Variants in CALN1 observed in about 807,000 individuals in gnomAD.
CALN1 encodes calneuron 1, also known as calcium-binding protein 8.
A neutral mutation model predicts 30.6 loss-of-function variants in CALN1; 17 were observed. The ratio of observed to expected loss-of-function variants is 0.56; its 90% CI spans 0.38 to 0.83. The LOEUF is 0.83. CALN1 is among the 40% of genes least tolerant of loss of function. The pLI is 0.00. For synonymous variants in CALN1, 156 were observed against 131.4 expected (o/e 1.19, Z -1.28); for missense variants, 291 against 354.9 (o/e 0.82, Z 1.45).
At chr7:72,199,557 A>T (rs1791276057) in intron 3 of CALN1, among the ~76,000 whole-genome samples, 1 of 152,186 alleles carries the variant, frequency 6.6e-6, no homozygotes, top group Non-Finnish European at 1.5e-5. Flanking sequence ...ACATCTCTAC[A>T]AACAATTAAA....
At chr7:72,237,736 G>C (rs780464827) in intron 3 of CALN1, among the ~76,000 whole-genome samples, 4 of 152,198 alleles carry the variant, frequency 2.6e-5, no homozygotes, top group Non-Finnish European at 4.4e-5. Flanking sequence ...AAGCAAGACA[G>C]AGAGAAACCC....
chr7:72,313,393 GA>G (rs554808907), intron 2 of CALN1, among the ~76,000 whole-genome samples: 8 of 150,326 alleles, frequency 5.3e-5, no homozygotes, highest in East Asian at 1.9e-4. Context: ...GTTGTATTAA[GA>G]AAAAAAAAAT....
At chr7:71,907,229 A>G (rs908201818) in intron 5 of CALN1, among the ~76,000 whole-genome samples, 2 of 140,238 alleles carry the variant, frequency 1.4e-5, no homozygotes, top group Non-Finnish European at 3.0e-5. Context: ...TTAAACAGAA[A>G]TGAGGTTTAA....
chr7:72,130,338 C>T (rs984914077), intron 3 of CALN1, among the ~76,000 whole-genome samples: 1 of 152,106 alleles, frequency 6.6e-6, no homozygotes, highest in Non-Finnish European at 1.5e-5. Context: ...GTGGAATGAC[C>T]TGCAAGATGT....
chr7:72,168,790 A>ATTG (rs1378576649), intron 3 of CALN1, among the ~76,000 whole-genome samples: 11 of 108,806 alleles, frequency 1.0e-4, no homozygotes, highest in Non-Finnish European at 3.6e-5. Context: ...ATGCCTGCTT[A>ATTG]TTATTATTAT....
Position 72,178,763 on chromosome 7 carries a change from C to T in CALN1, c.245-72469G>A, listed in dbSNP as rs540053364. Among the ~76,000 whole-genome samples, 7 of 151,562 alleles carry T rather than the reference C, an allele frequency of 4.6e-5. No individual in the cohort carries two copies. In the South Asian group the frequency reaches 6.3e-4, roughly 14 times the overall value. ...ATTTTTCACTTGGGTAATATTTTTA[C>T]GCATATTGTAGATGTCTATTTCAAT... On this transcript the variant is annotated intron_variant, in intron 3 of 6. Transcript: ENST00000395275.
intron 5 of CALN1, among the ~76,000 whole-genome samples, chr7:71,851,159 A>C (rs1790616078): frequency 6.6e-6 from 1 of 150,728 alleles, no homozygotes; most frequent in African/African-American, 2.4e-5. Flanking sequence ...GTGACCTGTG[A>C]CTGCATCACT....
intron 4 of CALN1, among the ~76,000 whole-genome samples, chr7:72,026,428 A>G (rs1198924560): frequency 6.6e-6 from 1 of 152,090 alleles, no homozygotes; most frequent in Non-Finnish European, 1.5e-5. Context: ...TCTACAAAAA[A>G]TACAATAATT....
chr7:72,279,677 G>A (rs1003420932), intron 2 of CALN1, among the ~76,000 whole-genome samples: 4 of 152,174 alleles, frequency 2.6e-5, no homozygotes, highest in African/African-American at 9.7e-5. Context: ...GGAAGAGAAT[G>A]GAAGAATGAG....
intron 5 of CALN1, among the ~76,000 whole-genome samples, chr7:72,005,033 T>C (rs961712811): frequency 2.0e-5 from 3 of 152,170 alleles, no homozygotes; most frequent in Non-Finnish European, 2.9e-5. Flanking sequence ...CACTCATACA[T>C]TGCTGGTGAG....
intron 1 of CALN1, among the ~76,000 whole-genome samples, chr7:72,434,065 G>GAA (rs796743589): frequency 7.1e-6 from 1 of 140,492 alleles, no homozygotes. Flanking sequence ...GTTCCTGAAA[G>GAA]AAAAAAAAAA....
At chr7:71,997,289 C>T (rs768846424) in intron 5 of CALN1, among the ~76,000 whole-genome samples, 4 of 151,068 alleles carry the variant, frequency 2.6e-5, no homozygotes, top group Admixed American at 6.6e-5. Flanking sequence ...AATTACAAAA[C>T]TGAAAAAAAT....
At chr7:72,164,458 G>A (rs1005635207) in intron 3 of CALN1, among the ~76,000 whole-genome samples, 35 of 151,982 alleles carry the variant, frequency 2.3e-4, no homozygotes, top group African/African-American at 8.5e-4. Context: ...CCAATGAATG[G>A]CAAAGATTGC....
chr7:72,145,198 G>C (rs1434008367), intron 3 of CALN1, among the ~76,000 whole-genome samples: 2 of 152,090 alleles, frequency 1.3e-5, no homozygotes, highest in African/African-American at 4.8e-5. Context: ...TTTTTGAAAA[G>C]ATCAACAAAA....
At chr7:72,031,174 C>T (rs1801413082) in intron 4 of CALN1, among the ~76,000 whole-genome samples, 1 of 152,148 alleles carries the variant, frequency 6.6e-6, no homozygotes, top group Non-Finnish European at 1.5e-5. Flanking sequence ...CACTCACTGA[C>T]ATGGTCTGTC....
At chr7:72,368,491 G>A (rs972144206) in intron 2 of CALN1, among the ~76,000 whole-genome samples, 4 of 151,758 alleles carry the variant, frequency 2.6e-5, no homozygotes, top group Non-Finnish European at 4.4e-5. Flanking sequence ...CCAATTGAGT[G>A]TGTGATAAAT....
chr7:72,124,075 C>T (rs979383165), intron 3 of CALN1, among the ~76,000 whole-genome samples: 1 of 152,174 alleles, frequency 6.6e-6, no homozygotes, highest in Non-Finnish European at 1.5e-5. Flanking sequence ...AGTAGGCCAA[C>T]TATTTCAGAA....
chr7:72,307,598 A>G (rs1303561591), intron 2 of CALN1, among the ~76,000 whole-genome samples: 1 of 152,236 alleles, frequency 6.6e-6, no homozygotes, highest in Non-Finnish European at 1.5e-5. Context: ...TATCTGGGCA[A>G]TGCGACTGCC....
chr7:72,185,453 C>T (rs1374775749), intron 3 of CALN1, among the ~76,000 whole-genome samples: 1 of 152,176 alleles, frequency 6.6e-6, no homozygotes, highest in Non-Finnish European at 1.5e-5. Context: ...GAGGAAGGCA[C>T]AGAACTTCCC....
Sources: gnomAD v4.1 joint callset for allele counts (sites outside exome capture counted in the v4.1 genomes callset) on GRCh38, gnomAD v4.1.1 for gene constraint, MANE v1.5 for transcripts, NCBI Gene and HGNC (gene_info 2026-07-23, HGNC 2026-07-21) for gene names.